The following ABLIM1 variants were observed in gnomAD, a reference collection of about 807,000 sequenced individuals.
ABLIM1 encodes the protein actin-binding LIM protein 1.
Under a neutral mutation model 107.0 loss-of-function variants are expected in ABLIM1, and 40 were observed. The observed-to-expected ratio is 0.37, with a 90% CI of 0.29 to 0.49. The LOEUF is 0.49. Among genes scored for constraint, ABLIM1 ranks in the 20% least tolerant of loss-of-function variants. ABLIM1 has a pLI of 0.97. For missense variants in ABLIM1, 857 were observed against 1,008.5 expected, an observed-to-expected ratio of 0.85 and a Z score of 2.04; for synonymous variants, 357 against 357.3, an observed-to-expected ratio of 1.00 and a Z score of 0.01.
intron 1 of ABLIM1, among the ~76,000 whole-genome samples, chr10:114,664,078 T>C (rs2079907408): frequency 6.6e-6 from 1 of 152,254 alleles, no homozygotes; most frequent in Admixed American, 6.5e-5. Context: ...TTTCTGACTA[T>C]GCTATTATCA....
intron 6 of ABLIM1, among the ~76,000 whole-genome samples, chr10:114,508,993 T>C (rs2061499089): frequency 6.6e-6 from 1 of 152,220 alleles, no homozygotes; most frequent in African/African-American, 2.4e-5. Context: ...GATAGGAACA[T>C]CAAGTTACCA....
intron 2 of ABLIM1, among the ~76,000 whole-genome samples, chr10:114,578,434 T>C (rs1448612012): frequency 6.6e-6 from 1 of 151,670 alleles, no homozygotes; most frequent in Non-Finnish European, 1.5e-5. Flanking sequence ...GAGATGGAGT[T>C]TCGCTCTTGC....
intron 1 of ABLIM1, among the ~76,000 whole-genome samples, chr10:114,725,660 G>A (rs527332306): frequency 1.3e-5 from 2 of 151,806 alleles, no homozygotes; most frequent in South Asian, 2.1e-4. Context: ...GTAGGTATCA[G>A]GTTGGTGCAA....
Position 114,436,038 on chromosome 10 carries a change from G to A in ABLIM1, c.*222C>T, listed in dbSNP as rs2059335980. 1 of 547,496 alleles carries A rather than the reference G, an allele frequency of 1.8e-6. No homozygotes were observed. Among genetic ancestry groups the A allele is most frequent in the Non-Finnish European group, 3.3e-6 (1 of 305,650 alleles). The allele number at this position is 547,496 out of a possible 1,614,324, so 33.9% of individuals were successfully genotyped here. A position where few individuals can be genotyped will look rare whatever the true frequency, so the allele number is the denominator to read the frequency against. The stretch of plus-strand genomic sequence containing the variant: ...AAAGCTCACATGTGGACACTACTCT[G>A]TGTTTCGGAACATAGAAATTTCTAC... On this transcript the variant is annotated 3_prime_UTR_variant, in exon 23 of 23. Coordinates refer to ENST00000533213, the MANE Select transcript of ABLIM1 (RefSeq NM_002313.7).
chr10:114,515,737 A>G (rs1590774215), intron 6 of ABLIM1, among the ~76,000 whole-genome samples: 2 of 152,354 alleles, frequency 1.3e-5, no homozygotes, highest in Admixed American at 6.5e-5. Context: ...CTGTTAATCC[A>G]CTATGACTGA....
Position 114,547,728 on chromosome 10 carries a change from G to A in ABLIM1, c.722C>T (p.Ala241Val). 2.5e-6 allele frequency: 4 copies of A among 1,613,094 alleles called. No individual in the cohort carries two copies. The highest frequency in any genetic ancestry group is 4.5e-5 in the East Asian group (2 of 44,884). ...RDIKNGQALL[A>V]LDKQWHLGCF... ...CCCCAAGTGCCACTGCTTATCCAGC[G>A]CCAGCAGCGCCTGCCCATTCTTGAT... The change falls in exon 5 of 23, where the codon GCG (alanine) becomes GTG (valine). Residue 241 changes from alanine (A) to valine (V), a missense_variant. This residue lies in a region of ABLIM1 where 381 missense variants were observed against 506.9 expected (regional missense o/e 0.75). Coordinates refer to ENST00000533213, the MANE Select transcript of ABLIM1 (RefSeq NM_002313.7).
At chr10:114,491,012 G>GTGTGTGTGTATGTATATATATATATATA in intron 7 of ABLIM1, among the ~76,000 whole-genome samples, 1 of 92,396 alleles carries the variant, frequency 1.1e-5, no homozygotes, top group East Asian at 5.0e-4. Flanking sequence ...GTGTGTGTGT[G>GTGTGTGTGTATGTATATATATATATATA]TATATATATA....
At chr10:114,768,101 A>G, upstream of ABLIM1, 2 of 428,796 alleles carry the variant, frequency 4.7e-6, no homozygotes, top group East Asian at 9.1e-5. Context: ...CCGGAGCTGG[A>G]AGGCGTTGGA....
chr10:114,549,945 G>A (rs887044177), intron 4 of ABLIM1, among the ~76,000 whole-genome samples: 1 of 152,168 alleles, frequency 6.6e-6, no homozygotes. Flanking sequence ...ATTTCTGGGG[G>A]AAAACATTAA....
chr10:114,458,446 C>T (rs61870074), intron 12 of ABLIM1, among the ~76,000 whole-genome samples: 2,101 of 152,178 alleles, frequency 0.014, 25 homozygotes, highest in South Asian at 0.035. Context: ...CTAAGACAAG[C>T]GAATAGAGAT....
chr10:114,595,893 T>C lies in ABLIM1; in HGVS notation c.379+5934A>G, dbSNP rs957395817. ...TATCCACATGCCAAAGGCTTCCAAA[T>C]TCTTCTTCCCAACATAGACCACTAT... On this transcript the variant is annotated intron_variant, in intron 2 of 22. Transcript: ENST00000533213. Among the ~76,000 whole-genome samples the C allele has an allele frequency of 1.6e-4, 25 of 152,220 alleles. 1 individual carries two copies. The highest frequency in any genetic ancestry group is 1.6e-3 in the Admixed American group (25 of 15,284).
At chr10:114,769,172 GAAAA>G (rs35691537), upstream of ABLIM1, among the ~76,000 whole-genome samples, 10 of 46,520 alleles carry the variant, frequency 2.1e-4, no homozygotes, top group East Asian at 1.8e-3. Context: ...TGTCTTCAAT[GAAAA>G]AAAAAAAAAA....
the ABLIM1 span, among the ~76,000 whole-genome samples, chr10:114,776,438 C>T: frequency 0.01 from 1,582 of 151,934 alleles, 17 homozygotes; most frequent in African/African-American, 0.035. Flanking sequence ...CTTGGTGAAA[C>T]CTCATCTCTA....
chr10:114,508,877 C>T (rs2135926808), intron 6 of ABLIM1, among the ~76,000 whole-genome samples: 1 of 152,278 alleles, frequency 6.6e-6, no homozygotes, highest in East Asian at 1.9e-4. Flanking sequence ...ATTGAAAGTT[C>T]TACAAACAGA....
chr10:114,684,586 C>T (rs1028057598), exon 1 of ABLIM1: 11 of 1,323,852 alleles, frequency 8.3e-6, no homozygotes, highest in Non-Finnish European at 1.1e-5. Flanking sequence ...TTCTGCATCC[C>T]CTTCTTCTCT....
chr10:114,458,113 TGTGC>T (rs1035049733), intron 12 of ABLIM1, among the ~76,000 whole-genome samples: 7 of 149,774 alleles, frequency 4.7e-5, no homozygotes, highest in African/African-American at 1.7e-4. Flanking sequence ...TGTGTGTGTG[TGTGC>T]GCACATAATA....
chr10:114,680,499 T>C (rs1282401028), intron 1 of ABLIM1, among the ~76,000 whole-genome samples: 1 of 152,210 alleles, frequency 6.6e-6, no homozygotes, highest in Non-Finnish European at 1.5e-5. Context: ...AACAATCATG[T>C]TAGCAAGGGG....
intron 13 of ABLIM1, among the ~76,000 whole-genome samples, chr10:114,451,952 T>C (rs2061980416): frequency 6.6e-6 from 1 of 152,050 alleles, no homozygotes; most frequent in African/African-American, 2.4e-5. Flanking sequence ...TCATTGAAAG[T>C]GGGATTAAAA....
At chr10:114,502,200 C>T (rs73353756) in intron 6 of ABLIM1, 2,296 of 174,260 alleles carry the variant, frequency 0.013, 52 homozygotes, top group African/African-American at 0.051. Context: ...TCATTAGTCT[C>T]TTCTGGTAAG....
Sources: gnomAD v4.1 joint callset for allele counts (sites outside exome capture counted in the v4.1 genomes callset) on GRCh38, gnomAD v4.1.1 for gene constraint, gnomAD v4.1.1 regional missense constraint, MANE v1.5 for transcripts, NCBI Gene and HGNC (gene_info 2026-07-23, HGNC 2026-07-21) for gene names.